The following HMHB1 variants were observed in gnomAD, a reference collection of about 807,000 sequenced individuals.
HMHB1 encodes histocompatibility minor HB-1.
HMHB1 carries 4 observed loss-of-function variants against 2.4 expected under a neutral mutation model. That is an observed-to-expected ratio of 1.65 (90% confidence interval 0.81 to 3.77). The LOEUF (loss-of-function observed/expected upper bound fraction) is 3.77. Ranked by LOEUF, HMHB1 falls within the 30% of genes most tolerant of loss-of-function variation. HMHB1 has a pLI of 0.01. For missense variants in HMHB1, 57 were observed against 44.2 expected (o/e 1.29, Z -0.82); for synonymous variants, 22 against 17.6 (o/e 1.25, Z -0.63).
chr5:143,816,990 T>C (rs1759756391), intron 1 of HMHB1, among the ~76,000 whole-genome samples: 1 of 152,218 alleles, frequency 6.6e-6, no homozygotes, highest in Non-Finnish European at 1.5e-5. Context: ...TTGTTGGCCA[T>C]TTGTATATCT....
chr5:143,813,304 A>G (rs1203180655), intron 1 of HMHB1, among the ~76,000 whole-genome samples: 3 of 151,942 alleles, frequency 2.0e-5, no homozygotes, highest in African/African-American at 7.3e-5. Flanking sequence ...TTCAAATGTC[A>G]CCTCTTCTAT....
chr5:143,820,524 G>C lies in HMHB1; in HGVS notation c.82G>C (p.Asp28His), dbSNP rs1759802587. 1 of 1,613,284 alleles carries C rather than the reference G, an allele frequency of 6.2e-7. No individual in the cohort carries two copies. Among genetic ancestry groups the C allele is most frequent in the Non-Finnish European group, 8.5e-7 (1 of 1,179,460 alleles). Residue 28 changes from aspartate to histidine, a missense_variant, in exon 2 of 2, where the codon GAT becomes CAT. By Grantham distance (81) the Asp-to-His change is moderately conservative (BLOSUM62 -1). Coordinates refer to ENST00000289448, the MANE Select transcript of HMHB1 (RefSeq NM_021182.3). ...GTCGGAATTGGTTGAAGTTGAAGAT[G>C]ATGTGTATCTGAGGCACAGCTCTTC...
chr5:143,813,912 G>A (rs930426322), intron 1 of HMHB1, among the ~76,000 whole-genome samples: 7 of 152,082 alleles, frequency 4.6e-5, no homozygotes, highest in Non-Finnish European at 1.0e-4. Context: ...AGGCAAATAT[G>A]GCACATGATA....
chr5:143,817,073 T>A (rs1759757048), intron 1 of HMHB1, among the ~76,000 whole-genome samples: 1 of 152,190 alleles, frequency 6.6e-6, no homozygotes, highest in East Asian at 1.9e-4. Flanking sequence ...GCTGATTTGT[T>A]TGAGTTTGTT....
chr5:143,819,049 A>G (rs1455387435), intron 1 of HMHB1, among the ~76,000 whole-genome samples: 2 of 152,128 alleles, frequency 1.3e-5, no homozygotes, highest in African/African-American at 4.8e-5. Context: ...GTCTCTCTAT[A>G]TCCATCCTCC....
chr5:143,812,330 C>CAG (rs1395511919), intron 1 of HMHB1, 26 bp downstream of exon 1: 1 of 1,547,948 alleles, frequency 6.5e-7, no homozygotes, highest in Non-Finnish European at 8.7e-7. Context: ...GGAGGGAGAA[C>CAG]AGAGAGAGAG....
chr5:143,815,798 C>T lies in HMHB1; in HGVS notation c.37+3494C>T, dbSNP rs541961174. Among the ~76,000 whole-genome samples, 59 of 150,566 alleles carry T rather than the reference C, an allele frequency of 3.9e-4. 1 individual carries two copies. Among genetic ancestry groups the T allele is most frequent in the African/African-American group, 1.5e-3 (59 of 40,352 alleles). The stretch of plus-strand genomic sequence containing the variant: ...CTCGGCTCACTGCAAGCTCCGCTTC[C>T]CGGGTTCACGCCATTCTCCTGCCTC... On this transcript the variant is annotated intron_variant, in intron 1 of 1. Transcript: ENST00000289448.
At chr5:143,814,599 A>G (rs1759728031) in intron 1 of HMHB1, among the ~76,000 whole-genome samples, 1 of 152,192 alleles carries the variant, frequency 6.6e-6, no homozygotes, top group African/African-American at 2.4e-5. Flanking sequence ...CTCATTTTTT[A>G]TCACTCAAGA....
intron 1 of HMHB1, among the ~76,000 whole-genome samples, chr5:143,812,562 G>C (rs1002803785): frequency 4.6e-5 from 7 of 152,174 alleles, no homozygotes; most frequent in Admixed American, 4.6e-4. Context: ...GCAGCAGTTG[G>C]AGCAGCTGCC....
chr5:143,814,824 T>C (rs557558888), intron 1 of HMHB1, among the ~76,000 whole-genome samples: 1 of 152,356 alleles, frequency 6.6e-6, no homozygotes, highest in East Asian at 1.9e-4. Flanking sequence ...ATGGAATTTG[T>C]CCCCACTAAA....
In HMHB1 at chr5:143,820,486, T is replaced by C. The variant is rs1456161714; in HGVS notation, c.44T>C (p.Leu15Pro). Reference sequence around the variant, plus strand: ...AAGCCATTCTTTTCTATAGGTTCTCTGCATGTTTGGAAGTCGGAATTGGTT... The same window carrying C: ...AAGCCATTCTTTTCTATAGGTTCTCCGCATGTTTGGAAGTCGGAATTGGTT... The change falls in exon 2 of 2, where the codon CTG (leucine) becomes CCG (proline). Residue 15 changes from leucine (L) to proline (P), a missense_variant. Leu to Pro is a moderately conservative substitution (Grantham distance 98). Transcript: ENST00000289448. 1 of 1,605,310 alleles carries C rather than the reference T, an allele frequency of 6.2e-7. No homozygotes were observed. The highest frequency in any genetic ancestry group is 1.1e-5 in the South Asian group (1 of 90,898).
At chr5:143,818,044 G>T (rs1759768732) in intron 1 of HMHB1, among the ~76,000 whole-genome samples, 1 of 152,240 alleles carries the variant, frequency 6.6e-6, no homozygotes, top group East Asian at 1.9e-4. Context: ...ATACCAGCTG[G>T]ATTTTTATCA....
intron 1 of HMHB1, among the ~76,000 whole-genome samples, chr5:143,815,526 T>C (rs1240057720): frequency 6.6e-6 from 1 of 151,378 alleles, no homozygotes; most frequent in Non-Finnish European, 1.5e-5. Flanking sequence ...TGTATTTTTT[T>C]CTTTTTTTTT....
intron 1 of HMHB1, among the ~76,000 whole-genome samples, chr5:143,819,744 T>G (rs1041326082): frequency 6.6e-6 from 1 of 152,160 alleles, no homozygotes; most frequent in Non-Finnish European, 1.5e-5. Context: ...AAGCTCCCTG[T>G]TGATTTTTTA....
intron 1 of HMHB1, among the ~76,000 whole-genome samples, chr5:143,816,199 T>A (rs1561937226): frequency 6.6e-6 from 1 of 152,224 alleles, no homozygotes; most frequent in African/African-American, 2.4e-5. Flanking sequence ...AAGAATATAT[T>A]TTTTAAATAT....
intron 1 of HMHB1, 73 bp downstream of exon 1, chr5:143,812,377 A>C: frequency 7.1e-7 from 1 of 1,403,396 alleles, no homozygotes; most frequent in South Asian, 1.2e-5. Context: ...AAATGAAAGA[A>C]AATGCTGGTG....
At chr5:143,812,964 T>C (rs1759709628) in intron 1 of HMHB1, among the ~76,000 whole-genome samples, 1 of 151,550 alleles carries the variant, frequency 6.6e-6, no homozygotes, top group Non-Finnish European at 1.5e-5. Flanking sequence ...TTTGTTTGTT[T>C]GTTTGTTTTT....
intron 1 of HMHB1, among the ~76,000 whole-genome samples, chr5:143,814,286 T>G (rs1759724557): frequency 6.6e-6 from 1 of 152,240 alleles, no homozygotes; most frequent in African/African-American, 2.4e-5. Flanking sequence ...AATAACAATT[T>G]GGAGATAACA....
At chr5:143,816,191 G>T (rs906674753) in intron 1 of HMHB1, among the ~76,000 whole-genome samples, 18 of 152,198 alleles carry the variant, frequency 1.2e-4, no homozygotes, top group African/African-American at 4.1e-4. Context: ...CTGCTACCAA[G>T]AATATATTTT....
Sources: allele counts gnomAD v4.1 joint callset (sites outside exome capture counted in the v4.1 genomes callset), GRCh38; gene constraint gnomAD v4.1.1; transcripts MANE v1.5; gene names NCBI Gene and HGNC (gene_info 2026-07-23, HGNC 2026-07-21).